IQSEC1: variants seen among roughly 807,000 people sequenced by gnomAD.
IQSEC1 encodes the protein IQ motif and SEC7 domain-containing protein 1.
IQSEC1 carries 31 observed loss-of-function variants against 91.0 expected under a neutral mutation model. The ratio of observed to expected loss-of-function variants is 0.34; its 90% CI spans 0.26 to 0.46. The LOEUF is 0.46. Ranked by LOEUF, IQSEC1 falls within the 20% of genes least tolerant of loss-of-function variation. The pLI is 1.00. For synonymous variants in IQSEC1, 699 were observed against 662.6 expected (o/e 1.05, Z -0.84); for missense variants, 1,388 against 1,575.6 (o/e 0.88, Z 2.02).
At position 13,214,359 on chromosome 3, in the gene IQSEC1, C is replaced by T. The variant is rs965181402; in HGVS notation, c.273-50226G>A. ...ACCCTTGTCCAGGAGCTGCCCAGGCCGACTCCTCACCCCGTCCCACAGCCA... is the reference window on the plus strand; with the variant it reads ...ACCCTTGTCCAGGAGCTGCCCAGGCTGACTCCTCACCCCGTCCCACAGCCA... On this transcript the variant is annotated intron_variant, in intron 1 of 15. Transcript: ENST00000648114. The surrounding 1 kb of genome is among the most constrained non-coding windows in gnomAD (Gnocchi z 4.5). Among the ~76,000 whole-genome samples the T allele has an allele frequency of 6.6e-6, 1 of 152,204 alleles. No homozygotes were observed. The highest frequency in any genetic ancestry group is 2.4e-5 in the African/African-American group (1 of 41,440).
chr3:13,013,002 C>G (rs1412628193), intron 1 of IQSEC1, among the ~76,000 whole-genome samples: 2 of 127,592 alleles, frequency 1.6e-5, no homozygotes, highest in Non-Finnish European at 1.6e-5. Context: ...GCTCTGTGTC[C>G]AAGGCTGGAG....
intron 1 of IQSEC1, among the ~76,000 whole-genome samples, chr3:13,064,649 G>A (rs1407639472): frequency 6.6e-6 from 1 of 152,254 alleles, no homozygotes; most frequent in Admixed American, 6.5e-5. Context: ...ATCAGAGTCT[G>A]ATCTTCCCTC....
At position 13,110,582 on chromosome 3, in the gene IQSEC1, C is replaced by T. The variant is rs1441006059; in HGVS notation, c.302+53522G>A. On this transcript the variant is annotated intron_variant, in intron 2 of 15. Coordinates refer to the IQSEC1 transcript ENST00000648114. ...CCAGCCTGGCAACAGAGCGAGACTT[C>T]GTTTCAACCAAACTGTCCTGACTCT... Among the ~76,000 whole-genome samples the T allele has an allele frequency of 3.3e-5, 5 of 152,176 alleles. No homozygotes were observed. In the South Asian group the frequency reaches 6.2e-4, roughly 19 times the overall value.
chr3:13,053,596 A>C (rs1405210169), intron 1 of IQSEC1, among the ~76,000 whole-genome samples: 2 of 152,172 alleles, frequency 1.3e-5, no homozygotes, highest in South Asian at 2.1e-4. Context: ...TCACAGCCCC[A>C]GCAGCTGCCA....
chr3:13,013,349 G>C (rs1387346754), intron 1 of IQSEC1, among the ~76,000 whole-genome samples: 1 of 152,168 alleles, frequency 6.6e-6, no homozygotes, highest in Non-Finnish European at 1.5e-5. Flanking sequence ...CTCTTTCCCA[G>C]AAGCCACTGG....
intron 2 of IQSEC1, among the ~76,000 whole-genome samples, chr3:13,079,779 A>G (rs1705621117): frequency 6.6e-6 from 1 of 152,264 alleles, no homozygotes; most frequent in Admixed American, 6.5e-5. Context: ...AAACGTTCTA[A>G]TGCAAGTACC....
rs1162949765 is a variant in IQSEC1, at chr3:12,967,360, G to A, written c.24-25495C>T. On this transcript the variant is annotated intron_variant, in intron 1 of 13. Transcript: ENST00000613206. This position sits in a 1 kb window ranked among gnomAD's most constrained non-coding sequence, Gnocchi z 5.9. ...AGCCCACCGCTCAGCACCCGGGAAGGCCGCTCGCCCCGCGCCGCGCCCTCA... is the reference window on the plus strand; with the variant it reads ...AGCCCACCGCTCAGCACCCGGGAAGACCGCTCGCCCCGCGCCGCGCCCTCA... The A allele has an allele frequency of 2.6e-6, 4 of 1,525,964 alleles. No homozygotes were observed. The highest frequency in any genetic ancestry group is 3.5e-6 in the Non-Finnish European group (4 of 1,139,256). The allele number at this position is 1,525,964 out of a possible 1,614,324, so 94.5% of individuals were successfully genotyped here. A position where few individuals can be genotyped will look rare whatever the true frequency, so the allele number is the denominator to read the frequency against.
intron 1 of IQSEC1, among the ~76,000 whole-genome samples, chr3:13,188,985 C>CA (rs1448951608): frequency 2.6e-5 from 4 of 152,242 alleles, no homozygotes; most frequent in African/African-American, 9.6e-5. Flanking sequence ...CACCTGGCAG[C>CA]ACCCCCTCAG....
rs1423948890 is a variant in IQSEC1, at chr3:13,103,532, C to T, written c.303-56010G>A. 6.6e-6 allele frequency among the ~76,000 whole-genome samples: 1 copy of T among 152,054 alleles called. No homozygotes were observed. Among genetic ancestry groups the T allele is most frequent in the Non-Finnish European group, 1.5e-5 (1 of 68,018 alleles). On this transcript the variant is annotated intron_variant, in intron 2 of 15. Transcript: ENST00000648114. The surrounding 1 kb of genome is among the most constrained non-coding windows in gnomAD (Gnocchi z 4.1). The stretch of plus-strand genomic sequence containing the variant: ...CCTGTCCCCGAGGAAGGGGCTGGGC[C>T]CTTCACCATGAGGAAAACCAAGAAT...
chr3:13,162,856 G>A lies in IQSEC1; in HGVS notation c.302+1248C>T, dbSNP rs376656849. On this transcript the variant is annotated intron_variant, in intron 2 of 15. Coordinates refer to the IQSEC1 transcript ENST00000648114. ...CAAGGGGCCTGCTGCCCCCTCCCTC[G>A]GATCCCCAGACCCTAGCCTTTGTCC... 5.2e-4 allele frequency among the ~76,000 whole-genome samples: 79 copies of A among 151,976 alleles called. 2 individuals are homozygous for A. The South Asian group carries it at 0.011, about 21-fold the overall frequency.
chr3:13,051,061 A>G (rs150334955), intron 1 of IQSEC1, among the ~76,000 whole-genome samples: 154 of 152,274 alleles, frequency 1.0e-3, no homozygotes, highest in African/African-American at 3.6e-3. Context: ...TGCCAGCCCC[A>G]AGTCCAGAGT....
chr3:13,007,260 A>G (rs1489383945), intron 1 of IQSEC1, among the ~76,000 whole-genome samples: 3 of 152,244 alleles, frequency 2.0e-5, no homozygotes, highest in Non-Finnish European at 4.4e-5. Context: ...AGCTGCAGCA[A>G]GGACTCTGTC....
Position 12,935,822 on chromosome 3 carries a change from G to T in IQSEC1, c.1194C>A (p.Gly398=). 1.2e-6 allele frequency: 2 copies of T among 1,608,072 alleles called. No individual in the cohort carries two copies. Among genetic ancestry groups the T allele is most frequent in the Admixed American group, 1.7e-5 (1 of 60,024 alleles). ...CATGCTTGGGACTGCCCTGCTGCCC[G>T]CCAAGGCTGCGCTCGTAAGCACTCT... The part of the protein sequence containing the change: ...KRQSAYERSL[G]GQQGSPKHGP... Residue 398 remains glycine (G), a synonymous_variant, in exon 3 of 14, where the codon GGC becomes GGA. Coordinates refer to ENST00000613206, the MANE Select transcript of IQSEC1 (RefSeq NM_001134382.3). The surrounding 1 kb of genome is among the most constrained non-coding windows in gnomAD (Gnocchi z 8.0).
chr3:13,017,892 C>T (rs912787789), intron 1 of IQSEC1, among the ~76,000 whole-genome samples: 7 of 152,142 alleles, frequency 4.6e-5, no homozygotes, highest in African/African-American at 9.7e-5. Context: ...ACCTCCTGCC[C>T]ATCCCAAACT....
chr3:13,093,555 C>G (rs915437939), intron 2 of IQSEC1, among the ~76,000 whole-genome samples: 3 of 152,168 alleles, frequency 2.0e-5, no homozygotes, highest in Non-Finnish European at 4.4e-5. Flanking sequence ...GGGCTGCCTC[C>G]TCCCCAAGCT....
intron 1 of IQSEC1, among the ~76,000 whole-genome samples, chr3:13,235,060 C>T (rs774588353): frequency 6.6e-6 from 1 of 152,152 alleles, no homozygotes; most frequent in Non-Finnish European, 1.5e-5. Context: ...GCGAGGTGGG[C>T]TGGCTTCGTG....
At chr3:13,119,816 C>A (rs1706394857) in intron 2 of IQSEC1, among the ~76,000 whole-genome samples, 1 of 150,828 alleles carries the variant, frequency 6.6e-6, no homozygotes. Flanking sequence ...TAAGATGGAG[C>A]TTTTGTTACA....
At chr3:13,220,064 T>G (rs1694628616) in intron 1 of IQSEC1, among the ~76,000 whole-genome samples, 1 of 152,244 alleles carries the variant, frequency 6.6e-6, no homozygotes, top group African/African-American at 2.4e-5. Flanking sequence ...ACCACCCCCG[T>G]CACAGGCTCC....
intron 1 of IQSEC1, among the ~76,000 whole-genome samples, chr3:13,254,950 C>T (rs1695260587): frequency 6.6e-6 from 1 of 152,196 alleles, no homozygotes; most frequent in African/African-American, 2.4e-5. Context: ...AGCATCCTGA[C>T]AAAGCTCCAG....
Sources: gnomAD v4.1 joint callset for allele counts (sites outside exome capture counted in the v4.1 genomes callset) on GRCh38, gnomAD v4.1.1 for gene constraint, Gnocchi (gnomAD v3.1) non-coding constraint, MANE v1.5 for transcripts, NCBI Gene and HGNC (gene_info 2026-07-23, HGNC 2026-07-21) for gene names.